Variants in SHISA6 observed in about 807,000 individuals in gnomAD.
SHISA6 encodes shisa family member 6.
In SHISA6, 22 loss-of-function variants were observed where a neutral mutation model predicts 47.9. The observed-to-expected ratio is 0.46, with a 90% CI of 0.33 to 0.66. The LOEUF is 0.66. SHISA6 is among the 30% of genes least tolerant of loss of function. The pLI, the probability that SHISA6 is intolerant of heterozygous loss-of-function variation, is 0.02. For synonymous variants in SHISA6, 388 were observed against 337.8 expected (o/e 1.15, Z -1.63); for missense variants, 680 against 764.6 (o/e 0.89, Z 1.30).
intron 3 of SHISA6, among the ~76,000 whole-genome samples, chr17:11,500,484 G>A (rs2071442197): frequency 6.6e-6 from 1 of 152,158 alleles, no homozygotes; most frequent in Non-Finnish European, 1.5e-5. Flanking sequence ...AATTTTGTAG[G>A]TGAGGAAACT....
intron 2 of SHISA6, among the ~76,000 whole-genome samples, chr17:11,350,092 A>G (rs1471977245): frequency 1.3e-5 from 2 of 151,746 alleles, no homozygotes; most frequent in African/African-American, 4.8e-5. Flanking sequence ...CCCAGGTTCA[A>G]GTGATTCCCC....
chr17:11,288,041 A>T (rs1296091738), intron 2 of SHISA6, among the ~76,000 whole-genome samples: 1 of 152,156 alleles, frequency 6.6e-6, no homozygotes, highest in East Asian at 1.9e-4. Flanking sequence ...AATCATACAC[A>T]CATCACTAGC....
rs150562214 is a variant in SHISA6 at position 11,287,674 on chromosome 17, AAGAG to A, written c.799+24164_799+24167del. On this transcript the variant is annotated intron_variant, in intron 2 of 5. Coordinates refer to ENST00000441885, the MANE Select transcript of SHISA6 (RefSeq NM_207386.4). ...GGTGACAGAGACAGACCTTGTCAGA[AAGAG>A]AGAGAGAGAGAGAGAAAGGGGAAGG... Among the ~76,000 whole-genome samples, 8 of 6,166 alleles carry A rather than the reference AAGAG, an allele frequency of 1.3e-3. 1 individual carries two copies. The highest frequency in any genetic ancestry group is 2.7e-3 in the African/African-American group (8 of 2,950). 4.0% of individuals were successfully genotyped at this position (6,166 alleles called of 152,430 possible). A position where few individuals can be genotyped will look rare whatever the true frequency, so the allele number is the denominator to read the frequency against.
chr17:11,398,356 AT>A (rs1038249512), intron 3 of SHISA6, among the ~76,000 whole-genome samples: 1 of 151,990 alleles, frequency 6.6e-6, no homozygotes, highest in East Asian at 1.9e-4. Flanking sequence ...GTGTCCTCTG[AT>A]TTTTTTGGTC....
At chr17:11,359,759 A>G (rs1912199700) in intron 2 of SHISA6, among the ~76,000 whole-genome samples, 1 of 152,226 alleles carries the variant, frequency 6.6e-6, no homozygotes, top group Non-Finnish European at 1.5e-5. Flanking sequence ...GGGCCCAAAC[A>G]GTTCTCACCG....
At chr17:11,556,004 AAAG>A (rs1309554667) in intron 5 of SHISA6, 112 bp downstream of exon 5, 8 of 1,301,794 alleles carry the variant, frequency 6.1e-6, no homozygotes, top group Non-Finnish European at 8.1e-6. Context: ...TCCCAAGAAT[AAAG>A]AAGGAGTTGC....
chr17:11,241,971 G>C lies in SHISA6; in HGVS notation c.549G>C (p.Gly183=). The C allele has an allele frequency of 6.4e-7, 1 of 1,551,024 alleles. No homozygotes were observed. The highest frequency in any genetic ancestry group is 8.7e-7 in the Non-Finnish European group (1 of 1,147,018). ...KTNFTVYITC[G]VIAFVIVAGV... ...ACTTCACCGTCTACATCACCTGCGG[G>C]GTGATCGCCTTCGTCATCGTGGCCG... is the stretch of plus-strand genomic sequence containing the variant. Residue 183 remains glycine (G), a synonymous_variant, in exon 1 of 6, where the codon GGG becomes GGC. Coordinates refer to ENST00000441885, the MANE Select transcript of SHISA6 (RefSeq NM_207386.4). The surrounding 1 kb of genome is among the most constrained non-coding windows in gnomAD (Gnocchi z 5.5).
intron 1 of SHISA6, among the ~76,000 whole-genome samples, chr17:11,258,123 G>A (rs186111895): frequency 9.9e-5 from 15 of 152,268 alleles, no homozygotes; most frequent in East Asian, 1.9e-4. Flanking sequence ...GCTTATTCAC[G>A]GAATAGTTCA....
chr17:11,248,354 T>C (rs1288739043), intron 1 of SHISA6, among the ~76,000 whole-genome samples: 1 of 152,204 alleles, frequency 6.6e-6, no homozygotes, highest in Admixed American at 6.5e-5. Flanking sequence ...TACCTAGTTT[T>C]ACAAGTGAGG....
chr17:11,440,777 G>GT (rs1429215585), intron 3 of SHISA6, among the ~76,000 whole-genome samples: 1 of 151,926 alleles, frequency 6.6e-6, no homozygotes. Flanking sequence ...GCTATCACTG[G>GT]CCTGCTTCCA....
At chr17:11,491,768 G>T (rs1251566234) in intron 3 of SHISA6, among the ~76,000 whole-genome samples, 2 of 107,932 alleles carry the variant, frequency 1.9e-5, no homozygotes, top group African/African-American at 6.6e-5. Flanking sequence ...AGCTGGTGAA[G>T]TGTTTTTTTT....
rs1336389735 is a variant in SHISA6 at position 11,551,931 on chromosome 17, G to A, written c.931G>A (p.Val311Ile). ...HQYNHPILSS[V>I]TQIPPHEKPR... ...ATATAACCATCCGATTTTGAGCAGTGTTACCCAGATCCCGCCACATGGTGA... is the reference window on the plus strand; with the variant it reads ...ATATAACCATCCGATTTTGAGCAGTATTACCCAGATCCCGCCACATGGTGA... Residue 311 changes from valine to isoleucine, a missense_variant, in exon 4 of 6, where the codon GTT (valine) becomes ATT (isoleucine). Transcript: ENST00000441885. 3.2e-6 allele frequency: 5 copies of A among 1,551,692 alleles called. No homozygotes were observed. Among genetic ancestry groups the A allele is most frequent in the South Asian group, 1.2e-5 (1 of 84,060 alleles).
chr17:11,408,917 A>G (rs1474433672), intron 3 of SHISA6, among the ~76,000 whole-genome samples: 1 of 152,256 alleles, frequency 6.6e-6, no homozygotes, highest in Non-Finnish European at 1.5e-5. Context: ...CCAAGACACT[A>G]TAAAGACTGG....
Position 11,544,265 on chromosome 17 carries a change from G to A in SHISA6, c.896-7631G>A, listed in dbSNP as rs577853165. On this transcript the variant is annotated intron_variant, in intron 3 of 5. Transcript: ENST00000441885. Reference sequence around the variant, plus strand: ...TGCTCTGCAAAAGACTCTATTAAAAGGATGACAAGACAGGGTATGCACTGG... The same window carrying A: ...TGCTCTGCAAAAGACTCTATTAAAAAGATGACAAGACAGGGTATGCACTGG... Among the ~76,000 whole-genome samples, 59 of 152,188 alleles carry A rather than the reference G, an allele frequency of 3.9e-4. 2 individuals are homozygous for A. In the South Asian group the frequency reaches 9.5e-3, roughly 25 times the overall value.
rs2072005560 is a variant in SHISA6, at chr17:11,558,424, G to T, written c.*120G>T. The T allele has an allele frequency of 1.7e-6, 2 of 1,207,592 alleles. No homozygotes were observed. The highest frequency in any genetic ancestry group is 3.1e-5 in the African/African-American group (2 of 65,454). The allele number at this position is 1,207,592 out of a possible 1,614,324, so 74.8% of individuals were successfully genotyped here. On this transcript the variant is annotated 3_prime_UTR_variant, in exon 6 of 6. Coordinates refer to ENST00000441885, the MANE Select transcript of SHISA6 (RefSeq NM_207386.4). Reference sequence around the variant, plus strand: ...TCCCTTGTCCCCTCTGTAGGAAGTGGGGGTGGGCCACCTTTGCCCAAAAAG... The same window carrying T: ...TCCCTTGTCCCCTCTGTAGGAAGTGTGGGTGGGCCACCTTTGCCCAAAAAG...
intron 3 of SHISA6, among the ~76,000 whole-genome samples, chr17:11,489,591 A>C (rs1319203288): frequency 6.6e-6 from 1 of 152,140 alleles, no homozygotes; most frequent in South Asian, 2.1e-4. Flanking sequence ...AGGGTAGGAG[A>C]GCTGAAGGGT....
intron 3 of SHISA6, among the ~76,000 whole-genome samples, chr17:11,467,234 C>T (rs1915830168): frequency 6.6e-6 from 1 of 152,168 alleles, no homozygotes; most frequent in Non-Finnish European, 1.5e-5. Context: ...ACCATGTCCA[C>T]GTACTGCTCT....
At chr17:11,449,905 G>C (rs958857548) in intron 3 of SHISA6, among the ~76,000 whole-genome samples, 8 of 152,160 alleles carry the variant, frequency 5.3e-5, no homozygotes, top group Non-Finnish European at 8.8e-5. Flanking sequence ...TTTTCTTTGA[G>C]ACGGAGTCTC....
intron 1 of SHISA6, among the ~76,000 whole-genome samples, chr17:11,258,152 A>G (rs746108101): frequency 2.1e-4 from 32 of 152,208 alleles, no homozygotes; most frequent in African/African-American, 7.5e-4. Flanking sequence ...GCCTTTTATC[A>G]TACTTATCCA....
Sources: allele counts gnomAD v4.1 joint callset (sites outside exome capture counted in the v4.1 genomes callset), GRCh38; gene constraint gnomAD v4.1.1; non-coding constraint Gnocchi (gnomAD v3.1); transcripts MANE v1.5; gene names NCBI Gene and HGNC (gene_info 2026-07-23, HGNC 2026-07-21).